Variants in BNC2 observed in about 807,000 individuals in gnomAD.
The protein encoded by BNC2 is zinc finger protein basonuclin-2.
Under a neutral mutation model 76.3 loss-of-function variants are expected in BNC2, and 20 were observed. That is an observed-to-expected ratio of 0.26 (90% CI 0.18 to 0.38). BNC2 has a LOEUF of 0.38. BNC2 is among the 10% of genes least tolerant of loss of function. BNC2 has a pLI of 1.00. For missense variants in BNC2, 1,382 were observed against 1,399.8 expected (o/e 0.99, Z 0.20); for synonymous variants, 582 against 514.8 (o/e 1.13, Z -1.77).
At chr9:16,583,254 A>G (rs1587199555) in intron 3 of BNC2, among the ~76,000 whole-genome samples, 169 bp from the exon 4 acceptor site, 1 of 152,198 alleles carries the variant, frequency 6.6e-6, no homozygotes, top group Non-Finnish European at 1.5e-5. Flanking sequence ...TTATTAAAAA[A>G]GGTAAAGAAA....
chr9:16,765,810 G>T (rs1278507058), intron 1 of BNC2, among the ~76,000 whole-genome samples: 2 of 149,078 alleles, frequency 1.3e-5, no homozygotes, highest in Non-Finnish European at 3.0e-5. Context: ...TTTCTGAGAC[G>T]GAGTCTAGCT....
chr9:16,749,478 C>G (rs1825118345), intron 1 of BNC2, among the ~76,000 whole-genome samples: 1 of 152,066 alleles, frequency 6.6e-6, no homozygotes, highest in Non-Finnish European at 1.5e-5. Flanking sequence ...GGAAAGTCAA[C>G]AGCTTGAGCC....
intron 5 of BNC2, among the ~76,000 whole-genome samples, chr9:16,502,570 T>C (rs1822543811): frequency 6.6e-6 from 1 of 152,072 alleles, no homozygotes; most frequent in African/African-American, 2.4e-5. Flanking sequence ...TCTTACTTCT[T>C]CTTGGGGTGA....
intron 3 of BNC2, chr9:16,727,593 T>C (rs1237775040): frequency 5.2e-6 from 3 of 576,594 alleles, no homozygotes; most frequent in Non-Finnish European, 9.1e-6. Flanking sequence ...CTTTCCCCTT[T>C]TTCTTTTAAG....
chr9:16,520,414 G>A (rs1331731802), intron 5 of BNC2, among the ~76,000 whole-genome samples: 1 of 152,206 alleles, frequency 6.6e-6, no homozygotes, highest in African/African-American at 2.4e-5. Context: ...GTACAAAATC[G>A]AGAAGGAAAG....
intron 5 of BNC2, among the ~76,000 whole-genome samples, chr9:16,485,907 A>G (rs1055363166): frequency 1.6e-4 from 24 of 152,368 alleles, no homozygotes; most frequent in South Asian, 8.3e-4. Flanking sequence ...TATGTGGAAT[A>G]AAACATTTAC....
chr9:16,522,341 G>A (rs1052168475), intron 5 of BNC2, among the ~76,000 whole-genome samples: 5 of 152,188 alleles, frequency 3.3e-5, no homozygotes, highest in Non-Finnish European at 5.9e-5. Context: ...CTTCCTCCTA[G>A]CATGCCCGAT....
intron 3 of BNC2, among the ~76,000 whole-genome samples, chr9:16,623,729 TG>T (rs962988728): frequency 1.3e-5 from 2 of 152,198 alleles, no homozygotes; most frequent in African/African-American, 4.8e-5. Context: ...ACCAGATGTA[TG>T]TGGGTCATAA....
chr9:16,752,616 AT>A (rs34411139), intron 1 of BNC2, among the ~76,000 whole-genome samples: 70,227 of 151,734 alleles, frequency 0.46, 21,810 homozygotes, highest in Non-Finnish European at 0.69. Flanking sequence ...AAATTGCTAG[AT>A]TTTTTTAATG....
chr9:16,428,561 T>G lies in BNC2; in HGVS notation c.2639+6994A>C, dbSNP rs74754024. On this transcript the variant is annotated intron_variant, in intron 6 of 6. Coordinates refer to ENST00000380672, the MANE Select transcript of BNC2 (RefSeq NM_017637.6). ...TATACATTACGTGGATGAATTTAGATTAGAACATTAGCACAATTTTTGAGT... is the reference window on the plus strand; with the variant it reads ...TATACATTACGTGGATGAATTTAGAGTAGAACATTAGCACAATTTTTGAGT... 1.1e-3 allele frequency among the ~76,000 whole-genome samples: 171 copies of G among 152,338 alleles called. 2 individuals carry two copies. The East Asian group carries it at 0.031, about 28-fold the overall frequency.
At chr9:16,449,818 G>A (rs545670661) in intron 5 of BNC2, among the ~76,000 whole-genome samples, 116 of 132,908 alleles carry the variant, frequency 8.7e-4, no homozygotes, top group Non-Finnish European at 1.5e-3. Flanking sequence ...GAAAAGCAAT[G>A]GGAATAAAAG....
intron 1 of BNC2, among the ~76,000 whole-genome samples, chr9:16,868,730 G>C (rs1819602246): frequency 6.6e-6 from 1 of 152,160 alleles, no homozygotes. Context: ...CATTAAGACT[G>C]AACAGTTTAC....
At chr9:16,443,226 T>C (rs1821166078) in intron 5 of BNC2, among the ~76,000 whole-genome samples, 1 of 152,124 alleles carries the variant, frequency 6.6e-6, no homozygotes, top group Admixed American at 6.5e-5. Flanking sequence ...CTGTAGAGCT[T>C]TTAATTAAAT....
At chr9:16,498,857 C>A (rs574199180) in intron 5 of BNC2, among the ~76,000 whole-genome samples, 1 of 152,044 alleles carries the variant, frequency 6.6e-6, no homozygotes, top group East Asian at 1.9e-4. Context: ...CTCAGTGGCC[C>A]GCAGAGGAGG....
intron 3 of BNC2, among the ~76,000 whole-genome samples, chr9:16,689,820 C>A (rs796740217): frequency 6.6e-6 from 1 of 152,216 alleles, no homozygotes; most frequent in African/African-American, 2.4e-5. Flanking sequence ...AAAAATCACT[C>A]AGATAACACA....
chr9:16,663,449 C>T (rs947952630), intron 3 of BNC2, among the ~76,000 whole-genome samples: 3 of 151,930 alleles, frequency 2.0e-5, no homozygotes, highest in Non-Finnish European at 2.9e-5. Flanking sequence ...CAAACTAATA[C>T]AAATATGAGT....
chr9:16,791,112 A>G (rs960476045), intron 1 of BNC2, among the ~76,000 whole-genome samples: 9 of 151,982 alleles, frequency 5.9e-5, no homozygotes, highest in Non-Finnish European at 1.3e-4. Context: ...CCCAGGCTAG[A>G]GTGCAGTGGC....
intron 5 of BNC2, among the ~76,000 whole-genome samples, chr9:16,500,959 A>T (rs2131775659): frequency 6.6e-6 from 1 of 152,300 alleles, no homozygotes; most frequent in African/African-American, 2.4e-5. Flanking sequence ...GGTATAAATC[A>T]TACTAAGACA....
intron 1 of BNC2, among the ~76,000 whole-genome samples, chr9:16,863,217 C>T (rs1413992662): frequency 6.6e-6 from 1 of 152,078 alleles, no homozygotes; most frequent in East Asian, 1.9e-4. Flanking sequence ...CCTGCCCCAT[C>T]TCAATATATT....
Sources: gnomAD v4.1 joint callset for allele counts (sites outside exome capture counted in the v4.1 genomes callset) on GRCh38, gnomAD v4.1.1 for gene constraint, MANE v1.5 for transcripts, NCBI Gene and HGNC (gene_info 2026-07-23, HGNC 2026-07-21) for gene names.